C6orf120: variants seen among roughly 807,000 people sequenced by gnomAD.
The protein encoded by C6orf120 is chromosome 6 open reading frame 120, also known as UPF0669 protein C6orf120.
For synonymous variants in C6orf120, 165 were observed against 123.1 expected (o/e 1.34, Z -2.25); for missense variants, 311 against 264.2 (o/e 1.18, Z -1.23).
At chr6:169,702,798 A>G (rs574647165) in exon 1 of C6orf120, 1 of 1,613,048 alleles carries the variant, frequency 6.2e-7, no homozygotes, top group Non-Finnish European at 8.5e-7. Flanking sequence ...TCCGGCGCCC[A>G]GTGGGCATCG....
At chr6:169,702,890 T>C in exon 1 of C6orf120, 1 of 1,612,100 alleles carries the variant, frequency 6.2e-7, no homozygotes. Context: ...CAGCACCCGT[T>C]CGGCGAGGCC....
At chr6:169,703,791 G>T (rs1788621840) in exon 1 of C6orf120, 5 of 517,708 alleles carry the variant, frequency 9.7e-6, no homozygotes, top group Admixed American at 4.3e-5. Flanking sequence ...CTGAATTTTT[G>T]GAGTGAGCCA....
chr6:169,704,993 TGTATAATCAC>T, downstream of C6orf120: 2 of 543,264 alleles, frequency 3.7e-6, no homozygotes, highest in South Asian at 8.0e-5. Context: ...GGACATGACC[TGTATAATCAC>T]AGCTTTGGTC....
chr6:169,705,011 G>T, downstream of C6orf120: 1 of 623,846 alleles, frequency 1.6e-6, no homozygotes, highest in Non-Finnish European at 2.7e-6. Flanking sequence ...CACAGCTTTG[G>T]TCATATTTGC....
chr6:169,703,897 G>A (rs1022559078), exon 1 of C6orf120: 28 of 806,928 alleles, frequency 3.5e-5, no homozygotes, highest in Non-Finnish European at 4.7e-5. Context: ...CAGATTTTAA[G>A]CTCATAATTT....
In C6orf120 at chr6:169,702,599, GCC is replaced by G; in HGVS notation, c.141_142del (p.Gln48AspfsTer133). 3.7e-6 allele frequency: 6 copies of G among 1,613,298 alleles called. No individual in the cohort carries two copies. The highest frequency in any genetic ancestry group is 5.1e-6 in the Non-Finnish European group (6 of 1,179,968). ...TGGGTGCTCCTGCACGTCGTCCAGGGCCAGATAGGCGCCGGGAACTACAGCTA... is the reference window on the plus strand; with the variant it reads ...TGGGTGCTCCTGCACGTCGTCCAGGGAGATAGGCGCCGGGAACTACAGCTA... On this transcript the variant is annotated frameshift_variant, in exon 1 of 1. Transcript: ENST00000332290. LOFTEE classifies it low-confidence loss of function (END_TRUNC).
chr6:169,702,783 G>T (rs749442561), exon 1 of C6orf120: 2 of 1,613,120 alleles, frequency 1.2e-6, no homozygotes, highest in Middle Eastern at 1.6e-4. Flanking sequence ...CCATCCCCGC[G>T]CACTTCCGGC....
exon 1 of C6orf120, chr6:169,704,033 G>C: frequency 6.3e-7 from 1 of 1,599,096 alleles, no homozygotes. Context: ...TCCCCCTTCT[G>C]CCCACTTTCC....
exon 1 of C6orf120, chr6:169,703,938 A>G: frequency 3.1e-6 from 4 of 1,270,952 alleles, no homozygotes; most frequent in Non-Finnish European, 4.4e-6. Context: ...GCATGAAAAT[A>G]ATGTTGTAAA....
At chr6:169,703,923 TA>T in exon 1 of C6orf120, 1 of 1,179,502 alleles carries the variant, frequency 8.5e-7, no homozygotes, top group Non-Finnish European at 1.2e-6. Context: ...AAAAATCTTT[TA>T]TTGGCATGAA....
At chr6:169,702,702 C>T (rs747992611) in exon 1 of C6orf120, 7 of 1,613,522 alleles carry the variant, frequency 4.3e-6, no homozygotes, top group Non-Finnish European at 5.1e-6. Flanking sequence ...TGTACGTCTC[C>T]GCCAGCAGCC....
chr6:169,704,119 A>G, exon 1 of C6orf120: 6 of 1,530,046 alleles, frequency 3.9e-6, no homozygotes, highest in Non-Finnish European at 5.3e-6. Context: ...ATAGAATGAA[A>G]AATTATCTTT....
chr6:169,704,051 TG>T (rs754137375), exon 1 of C6orf120: 18 of 1,587,522 alleles, frequency 1.1e-5, no homozygotes, highest in Admixed American at 3.9e-5. Context: ...TCCTGGGTGT[TG>T]GGGGGGCCCG....
exon 1 of C6orf120, chr6:169,704,584 T>C (rs1048109766): frequency 5.9e-6 from 1 of 169,948 alleles, no homozygotes; most frequent in African/African-American, 2.4e-5. Flanking sequence ...TGTTGCTTGC[T>C]TAATGATTCC....
At chr6:169,704,206 G>A (rs1259180048) in exon 1 of C6orf120, 2 of 685,066 alleles carry the variant, frequency 2.9e-6, no homozygotes, top group Non-Finnish European at 2.3e-6. Flanking sequence ...GGATTTTGTG[G>A]TGAGAAGGGC....
At position 169,703,757 on chromosome 6, in the gene C6orf120, A is replaced by G. The variant is rs1172932576; in HGVS notation, c.*722A>G. 55 of 496,444 alleles carry G rather than the reference A, an allele frequency of 1.1e-4. No homozygotes were observed. In the East Asian group the frequency reaches 2.0e-3, roughly 18 times the overall value. The allele number at this position is 496,444 out of a possible 1,614,324, so 30.8% of individuals were successfully genotyped here. A position where few individuals can be genotyped will look rare whatever the true frequency, so the allele number is the denominator to read the frequency against. On this transcript the variant is annotated 3_prime_UTR_variant, in exon 1 of 1. Coordinates refer to ENST00000332290, the Ensembl canonical transcript of C6orf120. ...TGGGGCTATGGAGAAACAGTTAAGT[A>G]TCTTAAGTTACTAAACATTTCCACT...
chr6:169,704,985 A>T, downstream of C6orf120: 3 of 513,570 alleles, frequency 5.8e-6, no homozygotes, highest in East Asian at 9.5e-5. Flanking sequence ...AAGCTGGTGG[A>T]CATGACCTGT....
chr6:169,702,183 T>G (rs958381739), upstream of C6orf120: 3 of 661,550 alleles, frequency 4.5e-6, no homozygotes, highest in Non-Finnish European at 8.4e-6. Context: ...CGCGGCCCCC[T>G]GCGGGGAGTG....
At chr6:169,702,160 C>G (rs760067268), upstream of C6orf120, 10 of 630,578 alleles carry the variant, frequency 1.6e-5, no homozygotes, top group Non-Finnish European at 2.9e-6. Flanking sequence ...GCCTCGGGTC[C>G]GGATGTATAA....
Sources: allele counts gnomAD v4.1 joint callset, GRCh38; gene constraint gnomAD v4.1.1; transcripts MANE v1.5; gene names NCBI Gene and HGNC (gene_info 2026-07-23, HGNC 2026-07-21).